CEP152: variants seen among roughly 807,000 people sequenced by gnomAD.
CEP152 encodes the protein centrosomal protein 152.
CEP152 carries 132 observed loss-of-function variants against 188.9 expected under a neutral mutation model. The observed-to-expected ratio is 0.70, with a 90% CI of 0.61 to 0.81. The LOEUF is 0.81. CEP152 is among the 30% of genes least tolerant of loss of function. The pLI is 0.00. For missense variants in CEP152, 1,914 were observed against 1,969.8 expected, an observed-to-expected ratio of 0.97 and a Z score of 0.54; for synonymous variants, 649 against 666.6, an observed-to-expected ratio of 0.97 and a Z score of 0.41.
Position 48,739,215 on chromosome 15 carries a change from T to A in CEP152, c.4167A>T (p.Pro1389=). 1 of 1,613,096 alleles carries A rather than the reference T, an allele frequency of 6.2e-7. No individual in the cohort carries two copies. The highest frequency in any genetic ancestry group is 1.3e-5 in the African/African-American group (1 of 74,978). Residue 1389 remains proline (P), a synonymous_variant, in exon 27 of 27, where the codon CCA becomes CCT. Coordinates refer to ENST00000380950, the MANE Select transcript of CEP152 (RefSeq NM_001194998.2). ...TATTTGATTTGCTTTCAATACAACA[T>A]GGTATTTTCTGATTCACATCATTTC... The part of the protein sequence containing the change: ...SKRNDVNQKI[P]CCIESKSNSV...
intron 19 of CEP152, among the ~76,000 whole-genome samples, chr15:48,758,718 C>CAAAAGAAAAAAA (rs1894457570): frequency 1.4e-5 from 1 of 70,460 alleles, no homozygotes; most frequent in Non-Finnish European, 2.5e-5. Context: ...GACTCCATCT[C>CAAAAGAAAAAAA]AAAAAAAAAA....
Position 48,796,321 on chromosome 15 carries a change from CACAT to C in CEP152, c.541-165_541-162del, listed in dbSNP as rs1472222018. On this transcript the variant is annotated intron_variant, in intron 5 of 26. Coordinates refer to ENST00000380950, the MANE Select transcript of CEP152 (RefSeq NM_001194998.2). ...ACACACACACACACACACACACACACACATATATATATCTGCTCAAAAGTAGCAC... is the reference window on the plus strand; with the variant it reads ...ACACACACACACACACACACACACACATATATATCTGCTCAAAAGTAGCAC... 9.1e-4 allele frequency among the ~76,000 whole-genome samples: 126 copies of C among 137,770 alleles called. No individual in the cohort carries two copies. In the South Asian group the frequency reaches 0.014, roughly 15 times the overall value. The allele number at this position is 137,770 out of a possible 152,430, so 90.4% of individuals were successfully genotyped here.
intron 17 of CEP152, among the ~76,000 whole-genome samples, chr15:48,764,460 CTTG>C (rs1180101780): frequency 1.3e-5 from 2 of 152,112 alleles, no homozygotes; most frequent in African/African-American, 4.8e-5. Flanking sequence ...AAAACATGAA[CTTG>C]TTGTGCGTGT....
chr15:48,731,159 G>A (rs1225469721), intron 2 of CEP152, among the ~76,000 whole-genome samples: 1 of 152,176 alleles, frequency 6.6e-6, no homozygotes, highest in Non-Finnish European at 1.5e-5. Context: ...TGTTCAACAG[G>A]TATAATGTTT....
chr15:48,794,203 A>AT (rs1369832997), intron 6 of CEP152, among the ~76,000 whole-genome samples: 55 of 152,162 alleles, frequency 3.6e-4, no homozygotes, highest in Non-Finnish European at 5.9e-5. Flanking sequence ...TTAAAAAAAA[A>AT]TTTTTGAAGT....
At chr15:48,799,474 G>A (rs759107863) in intron 2 of CEP152, among the ~76,000 whole-genome samples, 2 of 151,934 alleles carry the variant, frequency 1.3e-5, no homozygotes, top group Non-Finnish European at 2.9e-5. Flanking sequence ...TCACTGGATG[G>A]GTTTTTTTTA....
chr15:48,759,220 GTTA>G (rs1566990073), intron 19 of CEP152, among the ~76,000 whole-genome samples: 1 of 152,016 alleles, frequency 6.6e-6, no homozygotes, highest in Non-Finnish European at 1.5e-5. Flanking sequence ...AAACTGAGTT[GTTA>G]TTATGGTACA....
intron 1 of CEP152, among the ~76,000 whole-genome samples, chr15:48,808,417 A>C (rs1898126777): frequency 6.6e-6 from 1 of 152,024 alleles, no homozygotes; most frequent in Non-Finnish European, 1.5e-5. Context: ...AGTCAAGAAA[A>C]ATAAGAATAA....
chr15:48,765,735 G>T (rs559757763), intron 17 of CEP152: 1 of 340,230 alleles, frequency 2.9e-6, no homozygotes, highest in South Asian at 2.2e-5. Flanking sequence ...CTCACTGCAA[G>T]CTCCGCCTCC....
chr15:48,763,407 C>T (rs1381980819), intron 17 of CEP152, among the ~76,000 whole-genome samples: 4 of 152,206 alleles, frequency 2.6e-5, no homozygotes, highest in East Asian at 1.9e-4. Flanking sequence ...GGTGCAGTGG[C>T]TCATGCCTGT....
chr15:48,782,257 A>C (rs1896303308), intron 10 of CEP152, 27 bp from the exon 11 acceptor site: 1 of 1,603,936 alleles, frequency 6.2e-7, no homozygotes, highest in Non-Finnish European at 8.5e-7. Flanking sequence ...CATAGGATAT[A>C]CTGAAAAAAT....
rs200575418 is a variant in CEP152, at chr15:48,788,888, A to T, written c.1086T>A (p.Ile362=). 22 of 1,614,142 alleles carry T rather than the reference A, an allele frequency of 1.4e-5. No individual in the cohort carries two copies. Among genetic ancestry groups the T allele is most frequent in the Non-Finnish European group, 1.6e-5 (19 of 1,180,018 alleles). ...LQRAREQHES[I]VMGLTKKYEE... ...CGTACTTCTTTGTGAGGCCCATAACAATGCTCTCATGCTGTTCTCTAGCTC... is the reference window on the plus strand; with the variant it reads ...CGTACTTCTTTGTGAGGCCCATAACTATGCTCTCATGCTGTTCTCTAGCTC... The change falls in exon 9 of 27, where the codon ATT becomes ATA. Residue 362 remains isoleucine (I), a synonymous_variant. Transcript: ENST00000380950.
intron 15 of CEP152, 35 bp from the exon 16 acceptor site, chr15:48,767,498 T>C (rs1157933449): frequency 4.3e-6 from 7 of 1,613,830 alleles, no homozygotes; most frequent in South Asian, 1.1e-5. Context: ...CAATGCCCAG[T>C]CTCACTACGA....
At chr15:48,760,861 T>C (rs1394364764) in intron 18 of CEP152, among the ~76,000 whole-genome samples, 1 of 152,116 alleles carries the variant, frequency 6.6e-6, no homozygotes, top group Non-Finnish European at 1.5e-5. Flanking sequence ...AATTTTACCT[T>C]ATTCCTTTAT....
Position 48,805,819 on chromosome 15 carries a change from C to A in CEP152, c.-7-163G>T, listed in dbSNP as rs1426200. ...GCCAATAAAAATAATGGTGATTCAC[C>A]GAAAATAGCTATATGACAGCAATTC... On this transcript the variant is annotated intron_variant, in intron 1 of 26. Coordinates refer to ENST00000380950, the MANE Select transcript of CEP152 (RefSeq NM_001194998.2). Among the ~76,000 whole-genome samples the A allele has an allele frequency of 0.86, 130,301 of 152,200 alleles. 56,092 individuals carry two copies. Among genetic ancestry groups the A allele is most frequent in the East Asian group, 1 (5,177 of 5,180 alleles).
At chr15:48,792,867 A>G (rs1364331897) in intron 7 of CEP152, among the ~76,000 whole-genome samples, 1 of 151,844 alleles carries the variant, frequency 6.6e-6, no homozygotes, top group African/African-American at 2.4e-5. Flanking sequence ...CCCAGCCTGA[A>G]GTGCAATGGC....
At chr15:48,798,082 C>T in intron 2 of CEP152, 31 bp from the exon 3 acceptor site, 1 of 1,572,916 alleles carries the variant, frequency 6.4e-7, no homozygotes, top group Non-Finnish European at 8.7e-7. Context: ...CAATATCATA[C>T]CAACTTAAAC....
rs779384657 is a variant in CEP152, at chr15:48,756,399, C to A, written c.2849G>T (p.Arg950Met). The stretch of plus-strand genomic sequence containing the variant: ...ACTCCGAGCCTTAGCTAACTCAGCC[C>A]TGATGACCACAGGGACTTCTTCGTT... ...LKNEEVPVVI[R>M]AELAKARSEW... is the part of the protein sequence containing the mutation. The change falls in exon 20 of 27, where the codon AGG becomes ATG. Residue 950 changes from arginine to methionine, a missense_variant. By Grantham distance (91) the Arg-to-Met change is moderately conservative (BLOSUM62 -1). Transcript: ENST00000380950. 1.9e-6 allele frequency: 3 copies of A among 1,611,474 alleles called. No homozygotes were observed. The highest frequency in any genetic ancestry group is 2.5e-6 in the Non-Finnish European group (3 of 1,178,564).
intron 19 of CEP152, among the ~76,000 whole-genome samples, chr15:48,757,090 A>G (rs1262828437): frequency 2.0e-5 from 3 of 152,228 alleles, no homozygotes; most frequent in Admixed American, 6.5e-5. Flanking sequence ...GTATGACAGA[A>G]TAATAGAACT....
Sources: gnomAD v4.1 joint callset for allele counts (sites outside exome capture counted in the v4.1 genomes callset) on GRCh38, gnomAD v4.1.1 for gene constraint, MANE v1.5 for transcripts, NCBI Gene and HGNC (gene_info 2026-07-23, HGNC 2026-07-21) for gene names.